CROCC: variants seen among roughly 807,000 people sequenced by gnomAD.
CROCC encodes rootletin.
In CROCC, 180 loss-of-function variants were observed where a neutral mutation model predicts 245.2. The observed-to-expected ratio is 0.73, with a 90% CI of 0.65 to 0.83. The LOEUF (loss-of-function observed/expected upper bound fraction) is 0.83, where lower values mean the gene tolerates loss of function less well. Ranked by LOEUF, CROCC falls within the 40% of genes least tolerant of loss-of-function variation. CROCC has a pLI of 0.00. For missense variants in CROCC, 2,688 were observed against 2,779.4 expected, an observed-to-expected ratio of 0.97 and a Z score of 0.74; for synonymous variants, 1,205 against 1,241.6, an observed-to-expected ratio of 0.97 and a Z score of 0.62.
At chr1:16,914,837 C>T (rs1177658107) in intron 1 of CROCC, among the ~76,000 whole-genome samples, 12 of 152,282 alleles carry the variant, frequency 7.9e-5, no homozygotes, top group Non-Finnish European at 1.5e-4. Flanking sequence ...TCACAGCTCC[C>T]TTGGGAAGAC....
intron 1 of CROCC, among the ~76,000 whole-genome samples, chr1:16,914,101 G>T (rs1439642781): frequency 1.3e-5 from 2 of 151,582 alleles, no homozygotes; most frequent in East Asian, 3.8e-4. Flanking sequence ...GGCCCGCTCG[G>T]CCTCGGCAGC....
At chr1:16,923,474 G>A (rs1249100281) in intron 2 of CROCC, among the ~76,000 whole-genome samples, 1 of 152,240 alleles carries the variant, frequency 6.6e-6, no homozygotes, top group African/African-American at 2.4e-5. Flanking sequence ...GTTCTCCCAG[G>A]GTAGAAGGGG....
rs1428881884 is a variant in CROCC, at chr1:16,966,554, G to A, written c.4843G>A (p.Glu1615Lys). 18 of 1,490,616 alleles carry A rather than the reference G, an allele frequency of 1.2e-5. No homozygotes were observed. Among genetic ancestry groups the A allele is most frequent in the African/African-American group, 2.8e-5 (2 of 71,296 alleles). 92.3% of individuals were successfully genotyped at this position (1,490,616 alleles called of 1,614,324 possible). ...GAGGAGCCTGCAGGCCACCGAGAGC[G>A]AGCTCCGGGCCAGCCAGGTGGGCAG... is the stretch of plus-strand genomic sequence containing the variant. ...LERSLQATESELRASQEKISK... is the reference protein window; with the variant it reads ...LERSLQATESKLRASQEKISK... The change falls in exon 30 of 37, where the codon GAG becomes AAG. Residue 1615 changes from glutamate (E) to lysine (K), a missense_variant. Coordinates refer to ENST00000375541, the MANE Select transcript of CROCC (RefSeq NM_014675.5). The surrounding 1 kb of genome is among the most constrained non-coding windows in gnomAD (Gnocchi z 4.8).
At chr1:16,920,552 G>T (rs1338449277), upstream of CROCC, among the ~76,000 whole-genome samples, 2 of 152,242 alleles carry the variant, frequency 1.3e-5, no homozygotes, top group Non-Finnish European at 2.9e-5. Context: ...CCTGTTCAAG[G>T]TCTTACTGTC....
rs571774687 is a variant in CROCC at position 16,969,179 on chromosome 1, C to G, written c.5140C>G (p.Leu1714Val). ...QLTVERLNGA[L>V]AKVEESEGAL... The stretch of plus-strand genomic sequence containing the variant: ...GACCGTGGAGCGGCTGAATGGGGCC[C>G]TGGCTAAGGTGGAGGAAAGCGAGGG... The change falls in exon 32 of 37, where the codon CTG (leucine) becomes GTG (valine). Residue 1714 changes from leucine to valine, a missense_variant. By Grantham distance (32) the Leu-to-Val change is conservative. Transcript: ENST00000375541. 6.2e-7 allele frequency: 1 copy of G among 1,609,420 alleles called. No homozygotes were observed. Among genetic ancestry groups the G allele is most frequent in the East Asian group, 2.2e-5 (1 of 44,774 alleles).
chr1:16,939,103 G>A lies in CROCC; in HGVS notation c.1569G>A (p.Leu523=), dbSNP rs763218957. 3.2e-6 allele frequency: 5 copies of A among 1,571,652 alleles called. No individual in the cohort carries two copies. The highest frequency in any genetic ancestry group is 4.3e-6 in the Non-Finnish European group (5 of 1,166,900). ...PACSDSSTLA[L]IHSALHKRQL... is the part of the protein sequence containing the mutation. ...GCTCAGACTCCTCCACGCTCGCCCT[G>A]ATCCACTCCGCCCTGCACAAGCGCC... Residue 523 remains leucine (L), a synonymous_variant, in exon 12 of 37, where the codon CTG becomes CTA. Coordinates refer to ENST00000375541, the MANE Select transcript of CROCC (RefSeq NM_014675.5).
chr1:16,923,917 G>A (rs1263815593), intron 2 of CROCC, among the ~76,000 whole-genome samples: 11 of 152,264 alleles, frequency 7.2e-5, no homozygotes, highest in South Asian at 2.1e-4. Flanking sequence ...CTGACCTCAG[G>A]TGATCCTCCT....
Position 16,931,687 on chromosome 1 carries a change from G to A in CROCC, c.956+290G>A, listed in dbSNP as rs144015401. On this transcript the variant is annotated intron_variant, in intron 8 of 36. Coordinates refer to ENST00000375541, the MANE Select transcript of CROCC (RefSeq NM_014675.5). ...ATATTACAGATGAGGACATTGTGGCGCAGAGAGGTTGAGTGATCTTCCTGA... is the reference window on the plus strand; with the variant it reads ...ATATTACAGATGAGGACATTGTGGCACAGAGAGGTTGAGTGATCTTCCTGA... 6.3e-3 allele frequency among the ~76,000 whole-genome samples: 959 copies of A among 152,220 alleles called. 1 individual carries two copies. The highest frequency in any genetic ancestry group is 0.022 in the African/African-American group (907 of 41,450).
At chr1:16,932,605 G>A (rs1259283678) in intron 8 of CROCC, among the ~76,000 whole-genome samples, 1 of 152,228 alleles carries the variant, frequency 6.6e-6, no homozygotes, top group African/African-American at 2.4e-5. Flanking sequence ...GATGGGTAGG[G>A]TTGAAGCAGA....
intron 30 of CROCC, among the ~76,000 whole-genome samples, chr1:16,967,763 C>G (rs536102783): frequency 6.6e-6 from 1 of 152,280 alleles, no homozygotes; most frequent in Admixed American, 6.5e-5. Context: ...AACCCTAGAA[C>G]AGCAGGGCCC....
intron 31 of CROCC, 149 bp downstream of exon 31, chr1:16,968,567 T>C: frequency 1.1e-6 from 1 of 887,078 alleles, no homozygotes; most frequent in Non-Finnish European, 1.6e-6. Flanking sequence ...TGAGAGGTGA[T>C]GTCATTGTCT....
At chr1:16,915,726 G>A (rs1262996949) in intron 1 of CROCC, among the ~76,000 whole-genome samples, 1 of 152,276 alleles carries the variant, frequency 6.6e-6, no homozygotes, top group Non-Finnish European at 1.5e-5. Context: ...TTAGCTGAGA[G>A]TCGGGGTAGC....
At position 16,942,873 on chromosome 1, in the gene CROCC, A is replaced by C. The variant is rs569869085; in HGVS notation, c.1809-1227A>C. On this transcript the variant is annotated intron_variant, in intron 13 of 36. Transcript: ENST00000375541. ...GTAATCCCAGTATTTTGGGAGGCCA[A>C]GGCGGGTGGATCACTTGAGGTCAGG... Among the ~76,000 whole-genome samples, 44 of 152,382 alleles carry C rather than the reference A, an allele frequency of 2.9e-4. No individual in the cohort carries two copies. In the South Asian group the frequency reaches 8.9e-3, roughly 31 times the overall value.
intron 19 of CROCC, among the ~76,000 whole-genome samples, chr1:16,949,894 C>G (rs2100481475): frequency 6.6e-6 from 1 of 152,114 alleles, no homozygotes; most frequent in South Asian, 2.1e-4. Context: ...CTCAGCCTCC[C>G]AAGTAGCTGG....
intron 8 of CROCC, among the ~76,000 whole-genome samples, chr1:16,932,111 A>G (rs570756069): frequency 4.6e-5 from 7 of 152,358 alleles, no homozygotes; most frequent in Non-Finnish European, 8.8e-5. Context: ...CTTTGCTACC[A>G]AGGACCTCAC....
chr1:16,932,468 A>T (rs1287441307), intron 8 of CROCC, among the ~76,000 whole-genome samples: 6 of 152,276 alleles, frequency 3.9e-5, no homozygotes, highest in South Asian at 4.1e-4. Flanking sequence ...TTCTAGACTG[A>T]GGAAGCGAGT....
intron 31 of CROCC, 82 bp from the exon 32 acceptor site, chr1:16,969,034 G>A: frequency 7.6e-7 from 1 of 1,318,840 alleles, no homozygotes; most frequent in Non-Finnish European, 1.1e-6. Context: ...GATTGGGCAT[G>A]CCAGGTGGAG....
intron 10 of CROCC, 131 bp from the exon 11 acceptor site, chr1:16,938,269 A>G (rs1395080596): frequency 7.6e-6 from 6 of 787,338 alleles, no homozygotes; most frequent in Non-Finnish European, 1.2e-5. Flanking sequence ...TGTGGGGTCT[A>G]CCAGGTGGCT....
Position 16,967,068 on chromosome 1 carries a change from AAGAAG to A in CROCC, c.4860+499_4860+503del. Reference sequence around the variant, plus strand: ...CCTGTAAAAAAGAAAAGAAAAAAAAAAGAAGAAGAAGAAGAAAAGAAAGAGAGCTT... The same window carrying A: ...CCTGTAAAAAAGAAAAGAAAAAAAAAAAGAAGAAGAAAAGAAAGAGAGCTT... On this transcript the variant is annotated intron_variant, in intron 30 of 36. Transcript: ENST00000375541. Among the ~76,000 whole-genome samples the A allele has an allele frequency of 4.0e-5, 6 of 150,384 alleles. 1 individual carries two copies. In the South Asian group the frequency reaches 1.2e-3, roughly 31 times the overall value.
Sources: gnomAD v4.1 joint callset for allele counts (sites outside exome capture counted in the v4.1 genomes callset) on GRCh38, gnomAD v4.1.1 for gene constraint, Gnocchi (gnomAD v3.1) non-coding constraint, MANE v1.5 for transcripts, NCBI Gene and HGNC (gene_info 2026-07-23, HGNC 2026-07-21) for gene names.